Variants in SLIT3 observed in about 807,000 individuals in gnomAD.
SLIT3 encodes slit homolog 3 protein.
A neutral mutation model predicts 184.0 loss-of-function variants in SLIT3; 68 were observed. The ratio of observed to expected loss-of-function variants is 0.37; its 90% CI spans 0.30 to 0.45. SLIT3 has a LOEUF of 0.45. SLIT3 is among the 20% of genes least tolerant of loss of function. SLIT3 has a pLI of 1.00. For synonymous variants in SLIT3, 831 were observed against 828.6 expected (o/e 1.00, Z -0.05); for missense variants, 1,707 against 2,026.0 (o/e 0.84, Z 3.02).
chr5:168,811,690 T>C (rs571558953), intron 8 of SLIT3, among the ~76,000 whole-genome samples: 1 of 152,284 alleles, frequency 6.6e-6, no homozygotes, highest in Admixed American at 6.5e-5. Context: ...GTTTGAATGG[T>C]TATTACCAAA....
At chr5:168,805,357 A>AG (rs940405727) in intron 9 of SLIT3, among the ~76,000 whole-genome samples, 12 of 152,098 alleles carry the variant, frequency 7.9e-5, no homozygotes, top group Non-Finnish European at 1.6e-4. Flanking sequence ...GAAAGAAGAA[A>AG]GGGGGGAGAT....
intron 4 of SLIT3, among the ~76,000 whole-genome samples, chr5:169,130,973 A>C (rs991311145): frequency 6.6e-6 from 1 of 152,194 alleles, no homozygotes; most frequent in African/African-American, 2.4e-5. Flanking sequence ...GGTGAAAAAA[A>C]ATCAAGAAAC....
chr5:168,806,374 G>C, intron 9 of SLIT3, 72 bp downstream of exon 9: 2 of 1,554,244 alleles, frequency 1.3e-6, no homozygotes, highest in Admixed American at 1.7e-5. Flanking sequence ...ATGGCCTAGT[G>C]GGTGATGGGC....
chr5:168,771,876 G>T (rs1755560642), intron 14 of SLIT3, among the ~76,000 whole-genome samples: 1 of 152,182 alleles, frequency 6.6e-6, no homozygotes, highest in African/African-American at 2.4e-5. Flanking sequence ...CCTGGGCAAG[G>T]GGAGAAGCAC....
At chr5:169,081,415 C>T (rs186209284) in intron 4 of SLIT3, among the ~76,000 whole-genome samples, 24 of 152,226 alleles carry the variant, frequency 1.6e-4, no homozygotes, top group East Asian at 5.8e-4. Flanking sequence ...GAAGGGTCTC[C>T]GTAAACCTGC....
chr5:168,991,084 T>C (rs948703665), intron 4 of SLIT3, among the ~76,000 whole-genome samples: 2 of 152,204 alleles, frequency 1.3e-5, no homozygotes, highest in African/African-American at 4.8e-5. Flanking sequence ...CTGGCACCGC[T>C]GGGAGGTGCT....
intron 4 of SLIT3, among the ~76,000 whole-genome samples, chr5:169,150,861 CACGT>C (rs1457673755): frequency 6.6e-6 from 1 of 152,188 alleles, no homozygotes; most frequent in Non-Finnish European, 1.5e-5. Flanking sequence ...CCCACCCTTA[CACGT>C]AGCTTGGGAA....
At chr5:168,998,664 A>G (rs183681046) in intron 4 of SLIT3, among the ~76,000 whole-genome samples, 186 of 152,220 alleles carry the variant, frequency 1.2e-3, no homozygotes, top group African/African-American at 4.3e-3. Context: ...AGATCGCACC[A>G]TTGCACTCCA....
chr5:168,736,506 G>A (rs1041698871), intron 20 of SLIT3, among the ~76,000 whole-genome samples: 3 of 152,236 alleles, frequency 2.0e-5, no homozygotes, highest in Admixed American at 6.5e-5. Flanking sequence ...AGTGCTCTGG[G>A]GAGCATGGGG....
At chr5:168,944,435 G>T (rs1450836241) in intron 4 of SLIT3, among the ~76,000 whole-genome samples, 1 of 152,174 alleles carries the variant, frequency 6.6e-6, no homozygotes, top group Non-Finnish European at 1.5e-5. Context: ...TCTGCACCAT[G>T]GGGAAGAACA....
At chr5:169,014,778 C>T (rs941932485) in intron 4 of SLIT3, among the ~76,000 whole-genome samples, 1 of 152,132 alleles carries the variant, frequency 6.6e-6, no homozygotes, top group Admixed American at 6.5e-5. Flanking sequence ...TGGTGAAACC[C>T]TGTCTCTACT....
chr5:168,766,095 G>A (rs1244603527), intron 14 of SLIT3, among the ~76,000 whole-genome samples: 1 of 152,198 alleles, frequency 6.6e-6, no homozygotes, highest in Non-Finnish European at 1.5e-5. Context: ...GTTGGGATCA[G>A]AGGCCAGCAC....
intron 29 of SLIT3, 90 bp downstream of exon 29, chr5:168,692,517 T>C: frequency 1.3e-6 from 1 of 774,650 alleles, no homozygotes; most frequent in Non-Finnish European, 2.2e-6. Context: ...AGAGAGAGCA[T>C]GCAGAGAGAC....
chr5:168,719,213 G>A (rs915454253), intron 23 of SLIT3, among the ~76,000 whole-genome samples: 5 of 152,058 alleles, frequency 3.3e-5, no homozygotes, highest in Non-Finnish European at 5.9e-5. Context: ...CACTATGCCC[G>A]GCTAATTTTT....
At chr5:169,194,323 T>C (rs297901) in intron 3 of SLIT3, among the ~76,000 whole-genome samples, 103,718 of 150,132 alleles carry the variant, frequency 0.69, 36,394 homozygotes, top group East Asian at 0.79. Context: ...AAACAGTGAT[T>C]GTGGGAGCAG....
intron 3 of SLIT3, among the ~76,000 whole-genome samples, chr5:169,195,600 C>T (rs919862458): frequency 2.0e-5 from 3 of 152,162 alleles, no homozygotes; most frequent in Admixed American, 6.5e-5. Flanking sequence ...AATCTCGGCT[C>T]GCTGCAACCT....
At chr5:168,679,374 A>G (rs774192357) in intron 32 of SLIT3, among the ~76,000 whole-genome samples, 3 of 152,100 alleles carry the variant, frequency 2.0e-5, no homozygotes, top group Non-Finnish European at 4.4e-5. Flanking sequence ...TGCTTTTAAT[A>G]ATAATGGTGG....
intron 4 of SLIT3, among the ~76,000 whole-genome samples, chr5:169,046,051 C>G (rs17734581): frequency 0.18 from 26,682 of 152,080 alleles, 2,811 homozygotes; most frequent in South Asian, 0.37. Flanking sequence ...ACAGACTGAA[C>G]AGGGAAGCCA....
chr5:168,837,748 T>A (rs1158049645), intron 6 of SLIT3, among the ~76,000 whole-genome samples: 1 of 152,236 alleles, frequency 6.6e-6, no homozygotes, highest in Non-Finnish European at 1.5e-5. Flanking sequence ...GCTTTACTTA[T>A]TATGAGCGTC....
Sources: allele counts gnomAD v4.1 joint callset (sites outside exome capture counted in the v4.1 genomes callset), GRCh38; gene constraint gnomAD v4.1.1; transcripts MANE v1.5; gene names NCBI Gene and HGNC (gene_info 2026-07-23, HGNC 2026-07-21).